The following ZNF300 variants were observed in gnomAD, a reference collection of about 807,000 sequenced individuals.
ZNF300 encodes the protein kruppel-like zinc finger protein.
Under a neutral mutation model 13.9 loss-of-function variants are expected in ZNF300, and 6 were observed. That is an observed-to-expected ratio of 0.43 (90% confidence interval 0.24 to 0.85). The LOEUF is 0.85. Among genes scored for constraint, ZNF300 ranks in the 40% least tolerant of loss-of-function variants. The pLI is 0.25. For missense variants in ZNF300, 662 were observed against 714.2 expected (o/e 0.93, Z 0.83); for synonymous variants, 237 against 242.2 (o/e 0.98, Z 0.20).
chr5:150,897,041 C>A lies in ZNF300; in HGVS notation c.266-68G>T, dbSNP rs527344908. 5 of 1,250,250 alleles carry A rather than the reference C, an allele frequency of 4.0e-6. No homozygotes were observed. In the East Asian group the frequency reaches 9.6e-5, roughly 24 times the overall value. 77.4% of individuals were successfully genotyped at this position (1,250,250 alleles called of 1,614,324 possible). A position where few individuals can be genotyped will look rare whatever the true frequency, so the allele number is the denominator to read the frequency against. Reference sequence around the variant, plus strand: ...CAATTAAGAGGGTAAAGAAGTAGAACAAATGGATGATCCAACATAGTAGAT... The same window carrying A: ...CAATTAAGAGGGTAAAGAAGTAGAAAAAATGGATGATCCAACATAGTAGAT... On this transcript the variant is annotated intron_variant, in intron 5 of 5. Transcript: ENST00000274599.
intron 5 of ZNF300, 82 bp from the exon 6 acceptor site, chr5:150,897,055 A>C: frequency 9.2e-7 from 1 of 1,090,728 alleles, no homozygotes; most frequent in Non-Finnish European, 1.3e-6. Flanking sequence ...TGGATGATCC[A>C]ACATAGTAGA....
Position 150,898,546 on chromosome 5 carries a change from T to C in ZNF300, c.24A>G (p.Val8=), listed in dbSNP as rs1732402076. 6.2e-7 allele frequency: 1 copy of C among 1,604,820 alleles called. No homozygotes were observed. Among genetic ancestry groups the C allele is most frequent in the Non-Finnish European group, 8.5e-7 (1 of 1,175,232 alleles). ...AATCCACAGCCACATCCTTGAATGA[T>C]ACTAACCCCTGTAATAGTAAATTCC... is the stretch of plus-strand genomic sequence containing the variant. MMKSQGL[V]SFKDVAVDFT... The change falls in exon 4 of 6, where the codon GTA becomes GTG. Residue 8 remains valine, a synonymous_variant. Transcript: ENST00000274599.
chr5:150,903,812 T>C lies in ZNF300; in HGVS notation c.-28+52A>G, dbSNP rs1321548751. 10 of 167,658 alleles carry C rather than the reference T, an allele frequency of 6.0e-5. No homozygotes were observed. The East Asian group carries it at 1.5e-3, about 26-fold the overall frequency. 10.4% of individuals were successfully genotyped at this position (167,658 alleles called of 1,614,324 possible). On this transcript the variant is annotated intron_variant, in intron 2 of 5. Coordinates refer to ENST00000274599, the MANE Select transcript of ZNF300 (RefSeq NM_052860.4). ...GTCTGTATACAAAAATGGTGATAGG[T>C]TGGAACCACTGGAAAAAAAAAGAGT...
chr5:150,898,028 C>CAATT, intron 5 of ZNF300, 34 bp downstream of exon 5: 1 of 1,597,214 alleles, frequency 6.3e-7, no homozygotes, highest in East Asian at 2.2e-5. Flanking sequence ...AGGCACCAAT[C>CAATT]AATTAAAAAA....
At position 150,896,551 on chromosome 5, in the gene ZNF300, T is replaced by C; in HGVS notation, c.688A>G (p.Asn230Asp). Residue 230 changes from asparagine (N) to aspartate (D), a missense_variant, in exon 6 of 6, where the codon AAT becomes GAT. Physicochemically the swap from Asn to Asp is conservative, Grantham distance 23. Coordinates refer to ENST00000274599, the MANE Select transcript of ZNF300 (RefSeq NM_052860.4). ...ACTCCATTGTGAATCTTCTCAAGAT[T>C]AGAATTGGGCTCACTCTGGCTAGAT... Reference protein sequence around the residue: ...KSSSQSEPNSNLEKIHNGVIP... With the variant: ...KSSSQSEPNSDLEKIHNGVIP... The C allele has an allele frequency of 6.2e-7, 1 of 1,613,760 alleles. No homozygotes were observed. The highest frequency in any genetic ancestry group is 8.5e-7 in the Non-Finnish European group (1 of 1,179,846).
chr5:150,898,461 TCA>T lies in ZNF300; in HGVS notation c.107_108del (p.Val36AspfsTer45). On this transcript the variant is annotated frameshift_variant, in exon 4 of 6. Coordinates refer to ENST00000274599, the MANE Select transcript of ZNF300 (RefSeq NM_052860.4). LOFTEE classifies it high-confidence loss of function. ...DPSQRTLYRD[V>X]MLENYSHLVS... Reference sequence around the variant, plus strand: ...ACCAGGTGGCTGTAGTTCTCCAGCATCACATCCCTGTACAGGGTCCTCTGAGA... The same window carrying T: ...ACCAGGTGGCTGTAGTTCTCCAGCATCATCCCTGTACAGGGTCCTCTGAGA... 1 of 1,613,438 alleles carries T rather than the reference TCA, an allele frequency of 6.2e-7. No individual in the cohort carries two copies. Among genetic ancestry groups the T allele is most frequent in the Non-Finnish European group, 8.5e-7 (1 of 1,179,586 alleles).
intron 3 of ZNF300, among the ~76,000 whole-genome samples, chr5:150,902,736 C>T (rs549197068): frequency 1.3e-5 from 2 of 152,252 alleles, no homozygotes; most frequent in African/African-American, 4.8e-5. Flanking sequence ...TAAAAAAGAT[C>T]GTTTTAAGAC....
At position 150,896,165 on chromosome 5, in the gene ZNF300, GCATT is replaced by G; in HGVS notation, c.1070_1073del (p.Glu357AlafsTer39). Reference sequence around the variant, plus strand: ...GTGATTTCTGGGAGAAGGCTTTCCCGCATTCACTACATTCATAGGGTTTTTCCCC... The same window carrying G: ...GTGATTTCTGGGAGAAGGCTTTCCCGCACTACATTCATAGGGTTTTTCCCC... On this transcript the variant is annotated frameshift_variant, in exon 6 of 6. Coordinates refer to ENST00000274599, the MANE Select transcript of ZNF300 (RefSeq NM_052860.4). LOFTEE classifies it low-confidence loss of function (END_TRUNC). The G allele has an allele frequency of 2.5e-6, 4 of 1,612,918 alleles. No individual in the cohort carries two copies. The highest frequency in any genetic ancestry group is 3.4e-6 in the Non-Finnish European group (4 of 1,179,580).
At chr5:150,904,436 CATTT>C (rs1201434043) in intron 1 of ZNF300, among the ~76,000 whole-genome samples, 5 of 152,038 alleles carry the variant, frequency 3.3e-5, no homozygotes, top group Non-Finnish European at 7.4e-5. Context: ...ACGCCCCCAT[CATTT>C]AGTCCATAGC....
chr5:150,903,499 T>C (rs906692761), intron 2 of ZNF300: 1 of 790,422 alleles, frequency 1.3e-6, no homozygotes, highest in Middle Eastern at 3.1e-4. Context: ...AGCAATTCTA[T>C]TTATAGAAGA....
intron 3 of ZNF300, among the ~76,000 whole-genome samples, chr5:150,901,831 G>A (rs534303840): frequency 1.3e-5 from 2 of 152,152 alleles, no homozygotes; most frequent in African/African-American, 4.8e-5. Flanking sequence ...AAATAGTAAA[G>A]GAGAATTCTA....
chr5:150,896,504 C>CTGAT lies in ZNF300; in HGVS notation c.731_734dup (p.Cys246SerfsTer7), dbSNP rs766152563. On this transcript the variant is annotated frameshift_variant, in exon 6 of 6. Coordinates refer to ENST00000274599, the MANE Select transcript of ZNF300 (RefSeq NM_052860.4). LOFTEE classifies it low-confidence loss of function (END_TRUNC). ...GTGTATTTCTAAAAACGTTTCCACA[C>CTGAT]TGATTATCATCAAAAGGTATTACTC... 8.7e-6 allele frequency: 14 copies of CTGAT among 1,613,528 alleles called. No homozygotes were observed. The East Asian group carries it at 2.9e-4, about 33-fold the overall frequency.
intron 1 of ZNF300, 34 bp from the exon 2 acceptor site, chr5:150,904,011 C>T (rs1460429560): frequency 6.6e-6 from 1 of 152,336 alleles, no homozygotes; most frequent in Non-Finnish European, 1.5e-5. Flanking sequence ...TCATACTCAT[C>T]TCTGGATATC....
chr5:150,901,017 G>C (rs944997667), intron 3 of ZNF300, among the ~76,000 whole-genome samples: 2 of 152,036 alleles, frequency 1.3e-5, no homozygotes, highest in Non-Finnish European at 2.9e-5. Flanking sequence ...TGGGGAAATG[G>C]AAGTGCTATT....
intron 2 of ZNF300, 27 bp downstream of exon 2, chr5:150,903,837 T>C (rs1050845267): frequency 1.8e-5 from 3 of 163,156 alleles, no homozygotes; most frequent in Non-Finnish European, 4.0e-5. Context: ...AAAAAAAGAG[T>C]ATACCACAAT....
chr5:150,900,032 C>A (rs1057231287), intron 3 of ZNF300, among the ~76,000 whole-genome samples: 1 of 152,014 alleles, frequency 6.6e-6, no homozygotes, highest in Admixed American at 6.6e-5. Flanking sequence ...AGCTGCCAAA[C>A]AGTTAGTTGT....
intron 3 of ZNF300, among the ~76,000 whole-genome samples, chr5:150,901,964 G>T (rs10035986): frequency 6.6e-6 from 1 of 151,948 alleles, no homozygotes; most frequent in Non-Finnish European, 1.5e-5. Context: ...AAAGAAAAGC[G>T]CAAGAAAATA....
Position 150,895,804 on chromosome 5 carries a change from G to A in ZNF300, c.1435C>T (p.Gln479Ter). The part of the protein sequence containing the change: ...ECGKTFSRKS[Q>*]LIIHQRTHTG... ...TGTGTTCTCTGATGTATGATGAGCT[G>A]TGACTTGCGGGAGAATGTCTTTCCA... Residue 479 changes from glutamine (Q) to a stop codon, truncating the protein, a stop_gained, in exon 6 of 6, where the codon CAG becomes TAG. Transcript: ENST00000274599. LOFTEE classifies it low-confidence loss of function (END_TRUNC). The A allele has an allele frequency of 6.2e-7, 1 of 1,613,588 alleles. No homozygotes were observed. Among genetic ancestry groups the A allele is most frequent in the Non-Finnish European group, 8.5e-7 (1 of 1,179,830 alleles).
rs140184420 is a variant in ZNF300, at chr5:150,896,969, C to T, written c.270G>A (p.Arg90=). The T allele has an allele frequency of 5.0e-5, 81 of 1,604,728 alleles. No individual in the cohort carries two copies. The highest frequency in any genetic ancestry group is 1.7e-4 in the Middle Eastern group (1 of 5,988). The change falls in exon 6 of 6, where the codon AGG becomes AGA. Residue 90 remains arginine (R), a synonymous_variant. Coordinates refer to ENST00000274599, the MANE Select transcript of ZNF300 (RefSeq NM_052860.4). ...ACTGGGAGTTGTGAAGGTTACTCTT[C>T]CTGTCTAAAAGAAGAAAAGATACAA... is the stretch of plus-strand genomic sequence containing the variant. ...DEYQADGRQD[R]KSNLHNSQSC...
Sources: gnomAD v4.1 joint callset for allele counts (sites outside exome capture counted in the v4.1 genomes callset) on GRCh38, gnomAD v4.1.1 for gene constraint, MANE v1.5 for transcripts, NCBI Gene and HGNC (gene_info 2026-07-23, HGNC 2026-07-21) for gene names.